The following OTUD7B variants were observed in gnomAD, a reference collection of about 807,000 sequenced individuals.
OTUD7B encodes the protein OTU domain-containing protein 7B.
Under a neutral mutation model 82.2 loss-of-function variants are expected in OTUD7B, and 34 were observed. The observed-to-expected ratio is 0.41, with a 90% confidence interval of 0.31 to 0.55. The LOEUF (loss-of-function observed/expected upper bound fraction) is 0.55, where lower values mean the gene tolerates loss of function less well. OTUD7B is among the 20% of genes least tolerant of loss of function. The pLI is 0.20. For missense variants in OTUD7B, 944 were observed against 1,062.1 expected, an observed-to-expected ratio of 0.89 and a Z score of 1.55; for synonymous variants, 398 against 402.7, an observed-to-expected ratio of 0.99 and a Z score of 0.14.
chr1:149,977,963 A>G (rs2101860723), intron 1 of OTUD7B, among the ~76,000 whole-genome samples: 1 of 152,186 alleles, frequency 6.6e-6, no homozygotes, highest in Middle Eastern at 3.4e-3. Context: ...GCACTTGAAT[A>G]CTCTCAAATT....
chr1:150,016,209 T>C, the OTUD7B span, among the ~76,000 whole-genome samples: 1 of 152,158 alleles, frequency 6.6e-6, no homozygotes, highest in South Asian at 2.1e-4. Flanking sequence ...ACCAAAATAA[T>C]CCCAACGAGT....
chr1:150,066,426 G>C, the OTUD7B span, among the ~76,000 whole-genome samples: 275 of 9,086 alleles, frequency 0.03, no homozygotes, highest in African/African-American at 0.11. This position sits in a 1 kb window ranked among gnomAD's most constrained non-coding sequence, Gnocchi z 4.6. Flanking sequence ...TGGTAGAAAA[G>C]CTGAAAGAAA....
At chr1:150,019,357 TTTTG>T in the OTUD7B span, among the ~76,000 whole-genome samples, 106 of 151,916 alleles carry the variant, frequency 7.0e-4, no homozygotes, top group Middle Eastern at 3.4e-3. Flanking sequence ...ATTGTCTTTG[TTTTG>T]TTTGTTTGTT....
upstream of OTUD7B, among the ~76,000 whole-genome samples, chr1:150,014,084 G>GTGTATATATA (rs1336267152): frequency 2.0e-4 from 6 of 30,388 alleles, no homozygotes; most frequent in African/African-American, 4.2e-4. Context: ...GTGTGTGTGT[G>GTGTATATATA]TATATATATA....
the OTUD7B span, chr1:150,055,126 C>T: frequency 6.5e-6 from 1 of 153,620 alleles, no homozygotes; most frequent in Non-Finnish European, 1.4e-5. Context: ...CAAGCTCCGC[C>T]CCTCAGGTTC....
intron 7 of OTUD7B, among the ~76,000 whole-genome samples, chr1:149,959,016 G>A (rs1433454646): frequency 6.6e-6 from 1 of 151,958 alleles, no homozygotes; most frequent in African/African-American, 2.4e-5. Flanking sequence ...GAGGCCAGGA[G>A]TTTGAGATCA....
In OTUD7B at chr1:149,971,120, T is replaced by G; in HGVS notation, c.217A>C (p.Arg73=). 7.4e-6 allele frequency: 12 copies of G among 1,613,562 alleles called. No homozygotes were observed. The highest frequency in any genetic ancestry group is 1.0e-5 in the Non-Finnish European group (12 of 1,179,566). Residue 73 remains arginine, a synonymous_variant, in exon 3 of 12, where the codon AGA becomes CGA. Transcript: ENST00000581312. ...GGTCGGGGAGGGCGAGTAGGCTCTCTGTCAGAAAACCCTTTTTCAGGGGTC... is the reference window on the plus strand; with the variant it reads ...GGTCGGGGAGGGCGAGTAGGCTCTCGGTCAGAAAACCCTTTTTCAGGGGTC... ...SRTPEKGFSD[R]EPTRPPRPIL... is the part of the protein sequence containing the mutation.
intron 1 of OTUD7B, among the ~76,000 whole-genome samples, chr1:150,003,559 T>C (rs1312711198): frequency 2.0e-5 from 3 of 152,188 alleles, no homozygotes; most frequent in African/African-American, 7.2e-5. Context: ...CCCTGCTGCA[T>C]ACTTCTATCA....
chr1:150,016,039 G>A, the OTUD7B span, among the ~76,000 whole-genome samples: 7,956 of 152,302 alleles, frequency 0.052, 722 homozygotes, highest in African/African-American at 0.18. Flanking sequence ...CTGACATACT[G>A]AGGATGACAG....
the OTUD7B span, among the ~76,000 whole-genome samples, chr1:150,045,925 A>G: frequency 6.6e-6 from 1 of 152,250 alleles, no homozygotes; most frequent in African/African-American, 2.4e-5. Flanking sequence ...TAAAAGTAAT[A>G]TAATTAACAT....
At chr1:149,946,941 T>C (rs1647804956) in intron 11 of OTUD7B, among the ~76,000 whole-genome samples, 1 of 151,762 alleles carries the variant, frequency 6.6e-6, no homozygotes, top group African/African-American at 2.4e-5. Context: ...TAATACCAGC[T>C]ACTCAGGAGG....
chr1:149,952,577 G>T (rs1440460799), intron 7 of OTUD7B, among the ~76,000 whole-genome samples: 2 of 152,148 alleles, frequency 1.3e-5, no homozygotes, highest in Non-Finnish European at 2.9e-5. Flanking sequence ...TAATGGGATG[G>T]CTACGTCAAA....
chr1:150,046,370 T>C, the OTUD7B span, among the ~76,000 whole-genome samples: 1 of 151,892 alleles, frequency 6.6e-6, no homozygotes, highest in Non-Finnish European at 1.5e-5. Context: ...CCTCACTTCT[T>C]TTGCCTTTGC....
chr1:150,004,980 A>T (rs1553785772), intron 1 of OTUD7B, among the ~76,000 whole-genome samples: 1 of 152,172 alleles, frequency 6.6e-6, no homozygotes, highest in Non-Finnish European at 1.5e-5. Flanking sequence ...CTCCTGCCTC[A>T]GCCTCCTGAG....
chr1:150,016,088 G>A, the OTUD7B span, among the ~76,000 whole-genome samples: 1 of 152,320 alleles, frequency 6.6e-6, no homozygotes, highest in Admixed American at 6.5e-5. Flanking sequence ...TTGGTGCCCT[G>A]CTGAATTAAC....
At chr1:150,054,156 G>A in the OTUD7B span, 2 of 365,204 alleles carry the variant, frequency 5.5e-6, no homozygotes, top group Admixed American at 3.9e-5. Flanking sequence ...GCTGGTGGTG[G>A]CAAGAACGGT....
At chr1:149,984,269 A>C (rs1249162931) in intron 1 of OTUD7B, among the ~76,000 whole-genome samples, 1 of 151,968 alleles carries the variant, frequency 6.6e-6, no homozygotes, top group African/African-American at 2.4e-5. Context: ...GCAAAGCAAG[A>C]GGGGTTCCTT....
chr1:149,948,861 T>G, intron 10 of OTUD7B, 108 bp downstream of exon 10: 1 of 722,598 alleles, frequency 1.4e-6, no homozygotes, highest in South Asian at 1.7e-5. Context: ...AAACTCATCT[T>G]AGCTTGTGAC....
chr1:149,983,198 C>T (rs782207720), intron 1 of OTUD7B, among the ~76,000 whole-genome samples: 1 of 152,146 alleles, frequency 6.6e-6, no homozygotes, highest in African/African-American at 2.4e-5. Context: ...GACATCCAGT[C>T]TCTTAACCAC....
Sources: gnomAD v4.1 joint callset for allele counts (sites outside exome capture counted in the v4.1 genomes callset) on GRCh38, gnomAD v4.1.1 for gene constraint, Gnocchi (gnomAD v3.1) non-coding constraint, MANE v1.5 for transcripts, NCBI Gene and HGNC (gene_info 2026-07-23, HGNC 2026-07-21) for gene names.